The following MROH9 variants were observed in gnomAD, a reference collection of about 807,000 sequenced individuals.
MROH9 encodes the protein maestro heat like repeat family member 9.
Under a neutral mutation model 98.2 loss-of-function variants are expected in MROH9, and 92 were observed. That is an observed-to-expected ratio of 0.94 (90% CI 0.79 to 1.11). The LOEUF (loss-of-function observed/expected upper bound fraction) is 1.11, where lower values mean the gene tolerates loss of function less well. MROH9 is among the 50% of genes most tolerant of loss of function. MROH9 has a pLI of 0.00. For synonymous variants in MROH9, 397 were observed against 368.9 expected (o/e 1.08, Z -0.87); for missense variants, 1,057 against 1,014.8 (o/e 1.04, Z -0.57).
chr1:170,947,529 A>T lies in MROH9; in HGVS notation c.28A>T (p.Ser10Cys). 1 of 1,610,624 alleles carries T rather than the reference A, an allele frequency of 6.2e-7. No individual in the cohort carries two copies. Among genetic ancestry groups the T allele is most frequent in the Non-Finnish European group, 8.5e-7 (1 of 1,177,450 alleles). ...CGAATCTCCTTCTTTCTGGCTAGAGAGTAGTCTCCAGATTCTGCAAGACAG... is the reference window on the plus strand; with the variant it reads ...CGAATCTCCTTCTTTCTGGCTAGAGTGTAGTCTCCAGATTCTGCAAGACAG... MLTRNPKTK[S>C]SLQILQDSVK... Residue 10 changes from serine to cysteine, a missense_variant and splice_region_variant, in exon 3 of 22, where the codon AGT (serine) becomes TGT (cysteine). By Grantham distance (112) the Ser-to-Cys change is moderately radical (BLOSUM62 -1). Transcript: ENST00000367759.
intron 6 of MROH9, 100 bp from the exon 7 acceptor site, chr1:170,965,051 A>G (rs1004364719): frequency 1.9e-5 from 13 of 700,670 alleles, no homozygotes; most frequent in Non-Finnish European, 3.2e-5. Flanking sequence ...TAACCAGGAG[A>G]ATGTAGGAAG....
intron 20 of MROH9, among the ~76,000 whole-genome samples, chr1:171,026,948 T>C (rs1652733632): frequency 6.6e-6 from 1 of 152,252 alleles, no homozygotes; most frequent in East Asian, 1.9e-4. Flanking sequence ...AAAAAACGTA[T>C]ATCACCAAAA....
At chr1:171,055,336 C>A (rs992653882) in intron 20 of MROH9, among the ~76,000 whole-genome samples, 3 of 152,006 alleles carry the variant, frequency 2.0e-5, no homozygotes, top group African/African-American at 4.8e-5. Flanking sequence ...AAGAATGATA[C>A]AATGGGCCAG....
chr1:171,052,452 G>A (rs2101869610), intron 20 of MROH9, among the ~76,000 whole-genome samples: 1 of 152,224 alleles, frequency 6.6e-6, no homozygotes, highest in South Asian at 2.1e-4. Flanking sequence ...TCTCTCCATG[G>A]GAAGGGAGAG....
Position 170,965,275 on chromosome 1 carries a change from A to C in MROH9, c.480+20A>C. ...AAATACGTAAGTCACAGAATATAACAATGCCACCTGATTCTGAAGACTGCA... is the reference window on the plus strand; with the variant it reads ...AAATACGTAAGTCACAGAATATAACCATGCCACCTGATTCTGAAGACTGCA... On this transcript the variant is annotated intron_variant, in intron 7 of 21. Coordinates refer to ENST00000367759, the MANE Select transcript of MROH9 (RefSeq NM_001163629.2). The C allele has an allele frequency of 6.7e-7, 1 of 1,485,936 alleles. No individual in the cohort carries two copies. Among genetic ancestry groups the C allele is most frequent in the Non-Finnish European group, 9.4e-7 (1 of 1,065,016 alleles). The allele number at this position is 1,485,936 out of a possible 1,614,324, so 92.0% of individuals were successfully genotyped here. A position where few individuals can be genotyped will look rare whatever the true frequency, so the allele number is the denominator to read the frequency against.
rs202063984 is a variant in MROH9, at chr1:170,965,151, G to A, written c.376G>A (p.Glu126Lys). ...KDLYKLQILK[E>K]MLVWMSKDSS... ...AGGATGACTTTTATGTTTCCAACAG[G>A]AAATGCTCGTGTGGATGAGTAAAGA... Residue 126 changes from glutamate (E) to lysine (K), a missense_variant and splice_region_variant, in exon 7 of 22, where the codon GAA becomes AAA. Coordinates refer to ENST00000367759, the MANE Select transcript of MROH9 (RefSeq NM_001163629.2). The A allele has an allele frequency of 3.4e-4, 545 of 1,603,338 alleles. No homozygotes were observed. The highest frequency in any genetic ancestry group is 4.0e-4 in the Non-Finnish European group (470 of 1,172,176).
chr1:170,989,219 TAAG>T (rs1651260776), intron 10 of MROH9, among the ~76,000 whole-genome samples: 1 of 152,124 alleles, frequency 6.6e-6, no homozygotes, highest in Admixed American at 6.5e-5. Context: ...ATTTTCAAAA[TAAG>T]AAGTGAGATG....
At chr1:170,998,352 C>T (rs770393911) in intron 15 of MROH9, 78 bp downstream of exon 15, 41 of 1,612,022 alleles carry the variant, frequency 2.5e-5, no homozygotes, top group Middle Eastern at 1.7e-4. Context: ...TCCAGTTTCT[C>T]GTATCTCTCC....
intron 21 of MROH9, 85 bp from the exon 22 acceptor site, chr1:171,064,013 GA>G: frequency 8.9e-6 from 12 of 1,347,086 alleles, no homozygotes; most frequent in Non-Finnish European, 1.2e-5. Context: ...GGCACTCTGT[GA>G]AAGGTGGCAG....
chr1:171,036,202 C>T (rs1454533867), intron 20 of MROH9, among the ~76,000 whole-genome samples: 1 of 151,956 alleles, frequency 6.6e-6, no homozygotes, highest in African/African-American at 2.4e-5. Flanking sequence ...CTCAGGGTAG[C>T]GTTTACACTT....
At chr1:170,953,654 C>T (rs890765759) in intron 3 of MROH9, among the ~76,000 whole-genome samples, 2 of 150,752 alleles carry the variant, frequency 1.3e-5, no homozygotes, top group Admixed American at 1.3e-4. Flanking sequence ...AATATATGAT[C>T]AATTTCAAAT....
intron 12 of MROH9, 42 bp downstream of exon 12, chr1:170,992,371 T>C (rs1464653030): frequency 1.3e-5 from 20 of 1,578,526 alleles, no homozygotes; most frequent in Non-Finnish European, 1.7e-5. Context: ...AGTACTGTTT[T>C]CCTGATTGTG....
intron 15 of MROH9, among the ~76,000 whole-genome samples, chr1:171,002,457 C>A (rs1651813084): frequency 6.6e-6 from 1 of 152,094 alleles, no homozygotes; most frequent in Non-Finnish European, 1.5e-5. Flanking sequence ...TTGGTAATGG[C>A]AAATTCTCTC....
intron 16 of MROH9, chr1:171,014,903 A>G: frequency 2.2e-6 from 1 of 456,000 alleles, no homozygotes; most frequent in Non-Finnish European, 4.6e-6. Context: ...GGGCCCACCA[A>G]TCTGTGTTTT....
intron 1 of MROH9, among the ~76,000 whole-genome samples, chr1:170,938,391 A>T (rs922107867): frequency 2.0e-5 from 3 of 152,206 alleles, no homozygotes; most frequent in African/African-American, 7.2e-5. Flanking sequence ...TAGGAGAAAT[A>T]GCACTATAAA....
intron 20 of MROH9, among the ~76,000 whole-genome samples, chr1:171,036,203 G>A (rs762455481): frequency 2.3e-4 from 35 of 152,174 alleles, no homozygotes; most frequent in Admixed American, 5.2e-4. Context: ...TCAGGGTAGC[G>A]TTTACACTTG....
At chr1:171,038,206 A>AC (rs1653172731) in intron 20 of MROH9, among the ~76,000 whole-genome samples, 1 of 152,156 alleles carries the variant, frequency 6.6e-6, no homozygotes, top group Non-Finnish European at 1.5e-5. Flanking sequence ...CCCATGAGAA[A>AC]AAGTAACAAT....
chr1:170,986,562 G>C lies in MROH9; in HGVS notation c.731G>C (p.Arg244Thr). Residue 244 changes from arginine to threonine, a missense_variant and splice_region_variant, in exon 10 of 22, where the codon AGA becomes ACA. Coordinates refer to ENST00000367759, the MANE Select transcript of MROH9 (RefSeq NM_001163629.2). Reference sequence around the variant, plus strand: ...CATGATTATCCTTTGTGGTTGCAGAGAGTAGGGCAAACCTTACTGCCTCCC... The same window carrying C: ...CATGATTATCCTTTGTGGTTGCAGACAGTAGGGCAAACCTTACTGCCTCCC... ...FQQDESKIAQ[R>T]VGQTLLPPLL... The C allele has an allele frequency of 1.2e-6, 2 of 1,612,960 alleles. No homozygotes were observed. The highest frequency in any genetic ancestry group is 2.2e-5 in the East Asian group (1 of 44,846).
intron 8 of MROH9, among the ~76,000 whole-genome samples, chr1:170,977,756 G>A (rs1477488889): frequency 6.6e-6 from 1 of 152,164 alleles, no homozygotes; most frequent in Non-Finnish European, 1.5e-5. Flanking sequence ...CAACTCGGAG[G>A]CAGCAGAGAA....
Sources: allele counts gnomAD v4.1 joint callset (sites outside exome capture counted in the v4.1 genomes callset), GRCh38; gene constraint gnomAD v4.1.1; transcripts MANE v1.5; gene names NCBI Gene and HGNC (gene_info 2026-07-23, HGNC 2026-07-21).